The following PTGER4 variants were observed in gnomAD, a reference collection of about 807,000 sequenced individuals.
The protein encoded by PTGER4 is prostaglandin E receptor 4.
In PTGER4, 11 loss-of-function variants were observed where a neutral mutation model predicts 33.2. The ratio of observed to expected loss-of-function variants is 0.33; its 90% CI spans 0.21 to 0.55. PTGER4 has a LOEUF of 0.55. PTGER4 is among the 20% of genes least tolerant of loss of function. The pLI is 0.92. For missense variants in PTGER4, 481 were observed against 650.2 expected, an observed-to-expected ratio of 0.74 and a Z score of 2.83; for synonymous variants, 275 against 281.5, an observed-to-expected ratio of 0.98 and a Z score of 0.23.
chr5:40,730,149 C>A, the PTGER4 span: 1 of 763,090 alleles, frequency 1.3e-6, no homozygotes, highest in Non-Finnish European at 2.1e-6. Flanking sequence ...CCCAAAGAAA[C>A]CGTATTTGTA....
At chr5:40,724,519 G>A in the PTGER4 span, among the ~76,000 whole-genome samples, 12 of 151,994 alleles carry the variant, frequency 7.9e-5, no homozygotes, top group African/African-American at 2.9e-4. Flanking sequence ...TATAGTCCCA[G>A]CTACTTGGGA....
At position 40,693,319 on chromosome 5, in the gene PTGER4, A is replaced by AC; in HGVS notation, c.*941_*942insC. The AC allele has an allele frequency of 1.0e-6, 1 of 978,940 alleles. No homozygotes were observed. Among genetic ancestry groups the AC allele is most frequent in the South Asian group, 4.7e-5 (1 of 21,132 alleles). The allele number at this position is 978,940 out of a possible 1,614,324, so 60.6% of individuals were successfully genotyped here. On this transcript the variant is annotated 3_prime_UTR_variant, in exon 3 of 3. Transcript: ENST00000302472. ...ATAATTGAAGTGTATAATATAAAAAATTTTAAAAATCTAAGCAGCTTATTG... is the reference window on the plus strand; with the variant it reads ...ATAATTGAAGTGTATAATATAAAAAACTTTTAAAAATCTAAGCAGCTTATTG...
At chr5:40,739,368 T>G in the PTGER4 span, among the ~76,000 whole-genome samples, 1 of 152,236 alleles carries the variant, frequency 6.6e-6, no homozygotes, top group Non-Finnish European at 1.5e-5. Context: ...AACAAAATAC[T>G]ATCTTCCAAT....
chr5:40,720,320 AATT>A, the PTGER4 span, among the ~76,000 whole-genome samples: 1 of 152,144 alleles, frequency 6.6e-6, no homozygotes, highest in Non-Finnish European at 1.5e-5. Context: ...TCCCCCATTA[AATT>A]GTCTTGACAC....
the PTGER4 span, among the ~76,000 whole-genome samples, chr5:40,713,224 T>A: frequency 2.0e-5 from 3 of 152,114 alleles, no homozygotes; most frequent in African/African-American, 7.2e-5. Context: ...AGCTCAGAAT[T>A]GCTGGTCCAG....
At chr5:40,746,726 T>C in the PTGER4 span, 2 of 1,102,660 alleles carry the variant, frequency 1.8e-6, no homozygotes, top group South Asian at 3.2e-5. Flanking sequence ...TTCATAACTC[T>C]TCATCCCATT....
At chr5:40,697,282 GAAA>G, downstream of PTGER4, among the ~76,000 whole-genome samples, 1 of 126,530 alleles carries the variant, frequency 7.9e-6, no homozygotes, top group African/African-American at 2.7e-5. Context: ...AAGAAAGAAA[GAAA>G]GAAAGAAAGA....
the PTGER4 span, among the ~76,000 whole-genome samples, chr5:40,730,713 T>C: frequency 1.3e-5 from 2 of 152,142 alleles, no homozygotes. Context: ...CCATGAAATA[T>C]ATGTAAAAAT....
chr5:40,699,753 G>A, the PTGER4 span, among the ~76,000 whole-genome samples: 206 of 152,176 alleles, frequency 1.4e-3, no homozygotes, highest in African/African-American at 4.7e-3. Context: ...TTATCTCATA[G>A]ATGCAGGAAC....
chr5:40,702,771 C>G, the PTGER4 span, among the ~76,000 whole-genome samples: 14 of 152,194 alleles, frequency 9.2e-5, no homozygotes, highest in African/African-American at 2.9e-4. Context: ...GACATAAAAA[C>G]AATCCTCAAC....
At chr5:40,746,686 GA>G in the PTGER4 span, 33 of 823,912 alleles carry the variant, frequency 4.0e-5, no homozygotes, top group African/African-American at 5.6e-4. Context: ...TTAGCACCTA[GA>G]ATAGATTTTT....
Position 40,681,916 on chromosome 5 carries a change from G to T in PTGER4, c.867+56G>T, listed in dbSNP as rs1162798213. ...CCTTTTTCTCGCATCCACCTCCCGC[G>T]TCCATTCCCCGCTCCCTGCTTTCCC... On this transcript the variant is annotated intron_variant, in intron 2 of 2. Transcript: ENST00000302472. The surrounding 1 kb of genome is among the most constrained non-coding windows in gnomAD (Gnocchi z 9.8). 6.8e-6 allele frequency: 10 copies of T among 1,468,580 alleles called. No homozygotes were observed. In the East Asian group the frequency reaches 2.1e-4, roughly 30 times the overall value. The allele number at this position is 1,468,580 out of a possible 1,614,324, so 91.0% of individuals were successfully genotyped here.
At chr5:40,746,731 C>A in the PTGER4 span, 1 of 1,140,056 alleles carries the variant, frequency 8.8e-7, no homozygotes, top group Non-Finnish European at 1.2e-6. Context: ...AACTCTTCAT[C>A]CCATTACGGA....
chr5:40,718,729 T>C, the PTGER4 span, among the ~76,000 whole-genome samples: 1 of 150,974 alleles, frequency 6.6e-6, no homozygotes, highest in Non-Finnish European at 1.5e-5. Context: ...CAGAGCAAGA[T>C]TCCGTCTCGA....
chr5:40,717,357 A>G, the PTGER4 span, among the ~76,000 whole-genome samples: 1 of 152,160 alleles, frequency 6.6e-6, no homozygotes, highest in African/African-American at 2.4e-5. Flanking sequence ...AACCAAAGGT[A>G]TCAGCTGGGA....
rs1297233525 is a variant in PTGER4 at position 40,692,570 on chromosome 5, C to T, written c.*192C>T. On this transcript the variant is annotated 3_prime_UTR_variant, in exon 3 of 3. Coordinates refer to ENST00000302472, the MANE Select transcript of PTGER4 (RefSeq NM_000958.3). ...CACGTGGGTCCTGAGGCCTGCAGCA[C>T]GTCGGATGCTACCCCACTATGACAG... 4 of 1,373,830 alleles carry T rather than the reference C, an allele frequency of 2.9e-6. No individual in the cohort carries two copies. The African/African-American group carries it at 4.4e-5, about 15-fold the overall frequency. The allele number at this position is 1,373,830 out of a possible 1,614,324, so 85.1% of individuals were successfully genotyped here. A position where few individuals can be genotyped will look rare whatever the true frequency, so the allele number is the denominator to read the frequency against.
At chr5:40,708,881 T>G in the PTGER4 span, among the ~76,000 whole-genome samples, 2 of 150,672 alleles carry the variant, frequency 1.3e-5, no homozygotes, top group African/African-American at 2.4e-5. Flanking sequence ...GTTCAACATA[T>G]GCAAATCAAT....
the PTGER4 span, among the ~76,000 whole-genome samples, chr5:40,706,376 T>C: frequency 1.3e-4 from 20 of 152,206 alleles, 1 homozygote; most frequent in South Asian, 3.9e-3. Flanking sequence ...AACTATTGGG[T>C]ACCAAGCTTA....
At position 40,693,033 on chromosome 5, in the gene PTGER4, A is replaced by G. The variant is rs1163441835; in HGVS notation, c.*655A>G. ...TATAAAATAGATATAAATTTTTAAGAGAAAGAATTTAGTATTATCAAAGGG... is the reference window on the plus strand; with the variant it reads ...TATAAAATAGATATAAATTTTTAAGGGAAAGAATTTAGTATTATCAAAGGG... On this transcript the variant is annotated 3_prime_UTR_variant, in exon 3 of 3. Transcript: ENST00000302472. 3.3e-6 allele frequency: 3 copies of G among 902,916 alleles called. No individual in the cohort carries two copies. The highest frequency in any genetic ancestry group is 2.6e-6 in the Non-Finnish European group (2 of 754,742). The allele number at this position is 902,916 out of a possible 1,614,324, so 55.9% of individuals were successfully genotyped here.
Sources: gnomAD v4.1 joint callset for allele counts (sites outside exome capture counted in the v4.1 genomes callset) on GRCh38, gnomAD v4.1.1 for gene constraint, Gnocchi (gnomAD v3.1) non-coding constraint, MANE v1.5 for transcripts, NCBI Gene and HGNC (gene_info 2026-07-23, HGNC 2026-07-21) for gene names.